The following OSBPL10 variants were observed in gnomAD, a reference collection of about 807,000 sequenced individuals.
OSBPL10 encodes oxysterol binding protein like 10.
OSBPL10 carries 49 observed loss-of-function variants against 81.7 expected under a neutral mutation model. That is an observed-to-expected ratio of 0.60 (90% CI 0.48 to 0.76). OSBPL10 has a LOEUF of 0.76. Ranked by LOEUF, OSBPL10 falls within the 30% of genes least tolerant of loss-of-function variation. OSBPL10 has a pLI of 0.00. For synonymous variants in OSBPL10, 419 were observed against 383.6 expected (o/e 1.09, Z -1.08); for missense variants, 923 against 987.8 (o/e 0.93, Z 0.88).
intron 1 of OSBPL10, among the ~76,000 whole-genome samples, chr3:31,922,732 G>A (rs1253932450): frequency 6.6e-6 from 1 of 152,126 alleles, no homozygotes; most frequent in Non-Finnish European, 1.5e-5. Context: ...ATTTAGCGCT[G>A]TCACTTTTCA....
chr3:31,703,767 A>G (rs1283997138), intron 6 of OSBPL10: 1 of 152,198 alleles, frequency 6.6e-6, no homozygotes, highest in Non-Finnish European at 1.5e-5. Flanking sequence ...AATAACCCCA[A>G]TTCTAAAGAG....
chr3:31,961,623 C>A (rs1178357790), intron 1 of OSBPL10, among the ~76,000 whole-genome samples: 1 of 152,012 alleles, frequency 6.6e-6, no homozygotes, highest in Non-Finnish European at 1.5e-5. Context: ...TTTTTAGAGA[C>A]AGGGTCTCAC....
intron 3 of OSBPL10, among the ~76,000 whole-genome samples, chr3:31,854,367 A>G (rs1405186088): frequency 2.6e-5 from 4 of 152,160 alleles, no homozygotes; most frequent in African/African-American, 9.7e-5. Context: ...ATTGGCCCAT[A>G]ATGCCTCCTT....
intron 1 of OSBPL10, among the ~76,000 whole-genome samples, chr3:31,949,130 A>T (rs547322217): frequency 6.6e-6 from 1 of 152,340 alleles, no homozygotes; most frequent in East Asian, 1.9e-4. Context: ...TTGGGGAAAG[A>T]GGAGTTTTAG....
intron 7 of OSBPL10, among the ~76,000 whole-genome samples, chr3:31,689,377 A>C (rs1019363467): frequency 5.9e-5 from 9 of 152,206 alleles, no homozygotes; most frequent in African/African-American, 1.9e-4. Context: ...AATATGAAAT[A>C]ATATTGCCTC....
At chr3:31,824,044 G>A (rs1575568020) in intron 4 of OSBPL10, among the ~76,000 whole-genome samples, 1 of 151,996 alleles carries the variant, frequency 6.6e-6, no homozygotes, top group African/African-American at 2.4e-5. Flanking sequence ...GTAGAGATGG[G>A]GTTTCATTAA....
chr3:31,984,080 C>T (rs1243216283), upstream of OSBPL10, among the ~76,000 whole-genome samples: 3 of 152,080 alleles, frequency 2.0e-5, no homozygotes, highest in Non-Finnish European at 2.9e-5. Context: ...CTCTGTCACC[C>T]AGGCTGGAGT....
intron 1 of OSBPL10, among the ~76,000 whole-genome samples, chr3:31,933,997 G>C (rs145119320): frequency 2.5e-4 from 38 of 151,080 alleles, no homozygotes; most frequent in Non-Finnish European, 5.4e-4. Flanking sequence ...ATGTACATCT[G>C]AGTCAATTCC....
chr3:31,781,456 T>C (rs1698693428), intron 4 of OSBPL10, among the ~76,000 whole-genome samples: 1 of 152,122 alleles, frequency 6.6e-6, no homozygotes, highest in South Asian at 2.1e-4. Flanking sequence ...CTGGAAGTCC[T>C]AGCCAGAGCA....
chr3:31,925,444 G>T (rs1697045213), intron 1 of OSBPL10, among the ~76,000 whole-genome samples: 1 of 151,870 alleles, frequency 6.6e-6, no homozygotes, highest in Non-Finnish European at 1.5e-5. Context: ...TGACTCCCCA[G>T]GACTACCAGA....
chr3:31,817,078 G>A (rs958103996), intron 4 of OSBPL10, among the ~76,000 whole-genome samples: 1 of 152,136 alleles, frequency 6.6e-6, no homozygotes, highest in African/African-American at 2.4e-5. Context: ...GGCTTTTATG[G>A]ACCTCAGAGG....
intron 1 of OSBPL10, among the ~76,000 whole-genome samples, chr3:31,914,932 C>T (rs1696706711): frequency 1.3e-5 from 2 of 151,996 alleles, no homozygotes; most frequent in African/African-American, 4.8e-5. Context: ...CCTGTGTTTA[C>T]GGGGATGTGT....
intron 1 of OSBPL10, among the ~76,000 whole-genome samples, chr3:31,945,605 A>T (rs565234669): frequency 6.6e-6 from 1 of 152,310 alleles, no homozygotes; most frequent in African/African-American, 2.4e-5. Context: ...TCCATTCACT[A>T]CACGGCAACC....
At chr3:31,678,112 A>AAAGAT (rs1553612877) in intron 8 of OSBPL10, among the ~76,000 whole-genome samples, 4 of 147,888 alleles carry the variant, frequency 2.7e-5, no homozygotes, top group Admixed American at 1.3e-4. Context: ...AAAAAAAGAC[A>AAAGAT]GAGCAAAGAT....
intron 1 of OSBPL10, among the ~76,000 whole-genome samples, chr3:31,915,035 A>C (rs993136808): frequency 6.6e-6 from 1 of 152,172 alleles, no homozygotes; most frequent in Admixed American, 6.5e-5. Context: ...GCAGTGGCAC[A>C]ATCAGAGCTC....
At chr3:31,751,707 T>C (rs1350442229) in intron 4 of OSBPL10, among the ~76,000 whole-genome samples, 1 of 152,220 alleles carries the variant, frequency 6.6e-6, no homozygotes, top group East Asian at 1.9e-4. Context: ...CTAAAAATAA[T>C]ACAAGCTTTA....
At chr3:31,862,494 ATTTTCT>A (rs1701081011) in intron 3 of OSBPL10, among the ~76,000 whole-genome samples, 1 of 151,850 alleles carries the variant, frequency 6.6e-6, no homozygotes, top group African/African-American at 2.4e-5. Context: ...CTTTTTTTTT[ATTTTCT>A]AAAAACAAAA....
intron 1 of OSBPL10, among the ~76,000 whole-genome samples, chr3:31,903,330 GTTT>G (rs11383935): frequency 1.5e-5 from 2 of 137,396 alleles, no homozygotes; most frequent in Non-Finnish European, 3.1e-5. Flanking sequence ...TGCTTTTTAG[GTTT>G]TTTTTTTTTT....
chr3:31,906,809 C>G (rs933302636), intron 1 of OSBPL10: 4 of 152,174 alleles, frequency 2.6e-5, no homozygotes, highest in African/African-American at 9.7e-5. Context: ...GTGATAACAA[C>G]TATGTTTTTA....
Sources: allele counts gnomAD v4.1 joint callset (sites outside exome capture counted in the v4.1 genomes callset), GRCh38; gene constraint gnomAD v4.1.1; transcripts MANE v1.5; gene names NCBI Gene and HGNC (gene_info 2026-07-23, HGNC 2026-07-21).